The following MYH4 variants were observed in gnomAD, a reference collection of about 807,000 sequenced individuals.
MYH4 encodes myosin heavy chain 4, also known as myosin-4.
MYH4 carries 200 observed loss-of-function variants against 229.9 expected under a neutral mutation model. The observed-to-expected ratio is 0.87, with a 90% CI of 0.78 to 0.98. The LOEUF is 0.98. MYH4 is among the 50% of genes least tolerant of loss of function. The pLI is 0.00. For missense variants in MYH4, 2,148 were observed against 2,332.6 expected (o/e 0.92, Z 1.63); for synonymous variants, 761 against 834.6 (o/e 0.91, Z 1.52).
rs112589958 is a variant in MYH4, at chr17:10,448,725, T to C, written c.4424A>G (p.Gln1475Arg). 3.8e-5 allele frequency: 61 copies of C among 1,614,038 alleles called. No homozygotes were observed. The African/African-American group carries it at 7.2e-4, about 19-fold the overall frequency. The change falls in exon 32 of 40, where the codon CAG becomes CGG. Residue 1475 changes from glutamine to arginine, a missense_variant. Coordinates refer to ENST00000255381, the MANE Select transcript of MYH4 (RefSeq NM_017533.2). Reference sequence around the variant, plus strand: ...AGTGCTGAGAGAACGCGACTCCTTCTGGGAGGCCTCAAGTTCAGCCTGAGT... The same window carrying C: ...AGTGCTGAGAGAACGCGACTCCTTCCGGGAGGCCTCAAGTTCAGCCTGAGT... ...EETQAELEASQKESRSLSTEL... is the reference protein window; with the variant it reads ...EETQAELEASRKESRSLSTEL...
At chr17:10,449,274 A>G (rs944918359) in intron 30 of MYH4, among the ~76,000 whole-genome samples, 2 of 152,076 alleles carry the variant, frequency 1.3e-5, no homozygotes, top group African/African-American at 2.4e-5. Context: ...GTGTGTGTGT[A>G]TGTGTGTGTA....
chr17:10,446,951 T>C, intron 35 of MYH4, 62 bp downstream of exon 35: 2 of 1,514,228 alleles, frequency 1.3e-6, no homozygotes. Context: ...AACAAGCTTA[T>C]CTTCTCAAAT....
In MYH4 at chr17:10,450,470, C is replaced by T; in HGVS notation, c.4164G>A (p.Glu1388=). 6.2e-7 allele frequency: 1 copy of T among 1,613,978 alleles called. No homozygotes were observed. The highest frequency in any genetic ancestry group is 8.5e-7 in the Non-Finnish European group (1 of 1,179,902). The part of the protein sequence containing the change: ...KYETDAIQRT[E]ELEEAKKKLA... ...GCACATACTTGGCCTCCTCCAGCTC[C>T]TCTGTGCGCTGGATGGCGTCCGTCT... The change falls in exon 30 of 40, where the codon GAG becomes GAA. Residue 1388 remains glutamate, a synonymous_variant. Coordinates refer to ENST00000255381, the MANE Select transcript of MYH4 (RefSeq NM_017533.2).
chr17:10,445,401 C>T, intron 35 of MYH4, 39 bp from the exon 36 acceptor site: 1 of 1,507,198 alleles, frequency 6.6e-7, no homozygotes. Context: ...AGCACATTTA[C>T]TTATAACAAC....
chr17:10,446,388 A>G lies in MYH4; in HGVS notation c.5169+625T>C, dbSNP rs892417427. Among the ~76,000 whole-genome samples the G allele has an allele frequency of 1.1e-4, 17 of 152,160 alleles. No individual in the cohort carries two copies. In the East Asian group the frequency reaches 3.1e-3, roughly 28 times the overall value. On this transcript the variant is annotated intron_variant, in intron 35 of 39. Coordinates refer to ENST00000255381, the MANE Select transcript of MYH4 (RefSeq NM_017533.2). Reference sequence around the variant, plus strand: ...TTCTGGATGTTTCCTATATGTTTATACGGGAAAAAAGATCACACAGCCTAT... The same window carrying G: ...TTCTGGATGTTTCCTATATGTTTATGCGGGAAAAAAGATCACACAGCCTAT...
In MYH4 at chr17:10,455,837, A is replaced by T. The variant is rs1331627977; in HGVS notation, c.2033T>A (p.Ile678Asn). 2 of 1,614,032 alleles carry T rather than the reference A, an allele frequency of 1.2e-6. No individual in the cohort carries two copies. Among genetic ancestry groups the T allele is most frequent in the Admixed American group, 1.7e-5 (1 of 60,000 alleles). The change falls in exon 18 of 40, where the codon ATC becomes AAC. Residue 678 changes from isoleucine to asparagine, a missense_variant. Coordinates refer to ENST00000255381, the MANE Select transcript of MYH4 (RefSeq NM_017533.2). ...ACCAGGAGTTTTAGTTTCATTGGGG[A>T]TGATGCACCGCACAAAGTGGGGGTG... ...STHPHFVRCI[I>N]PNETKTPGAM...
Position 10,464,614 on chromosome 17 carries a change from C to T in MYH4, c.534-28G>A, listed in dbSNP as rs543483173. 53 of 1,613,676 alleles carry T rather than the reference C, an allele frequency of 3.3e-5. No homozygotes were observed. The East Asian group carries it at 5.1e-4, about 16-fold the overall frequency. The stretch of plus-strand genomic sequence containing the variant: ...ATCAAGTTCAAACAGAAGAAAAGGT[C>T]AGAATCTAAGGTAGTAGTAGCCACT... On this transcript the variant is annotated intron_variant, in intron 6 of 39. Coordinates refer to ENST00000255381, the MANE Select transcript of MYH4 (RefSeq NM_017533.2).
intron 15 of MYH4, among the ~76,000 whole-genome samples, chr17:10,458,599 C>T (rs1210134038): frequency 1.3e-5 from 2 of 152,172 alleles, no homozygotes; most frequent in Non-Finnish European, 2.9e-5. Flanking sequence ...TTCACACATA[C>T]ACTTTATTGA....
At chr17:10,445,676 T>A (rs1249157921) in intron 35 of MYH4, among the ~76,000 whole-genome samples, 4 of 152,096 alleles carry the variant, frequency 2.6e-5, no homozygotes, top group Non-Finnish European at 5.9e-5. Flanking sequence ...TTAAAATGAA[T>A]CAGTAATTTT....
chr17:10,465,935 C>G (rs1272653062), intron 4 of MYH4, among the ~76,000 whole-genome samples: 1 of 151,066 alleles, frequency 6.6e-6, no homozygotes, highest in African/African-American at 2.4e-5. Context: ...CCACTACGCC[C>G]GGCTAATTTT....
intron 27 of MYH4, 62 bp downstream of exon 27, chr17:10,451,879 A>C (rs1270383034): frequency 8.4e-6 from 13 of 1,539,740 alleles, no homozygotes; most frequent in Non-Finnish European, 1.1e-5. Context: ...ATAGTCATAT[A>C]TAAACTTGGT....
chr17:10,459,101 T>G, intron 15 of MYH4, 150 bp downstream of exon 15: 1 of 1,287,238 alleles, frequency 7.8e-7, no homozygotes, highest in Non-Finnish European at 1.1e-6. Context: ...TAATAACAGA[T>G]CACTTGGAAC....
chr17:10,456,205 T>C (rs2072636610), intron 17 of MYH4, among the ~76,000 whole-genome samples: 1 of 152,212 alleles, frequency 6.6e-6, no homozygotes, highest in Non-Finnish European at 1.5e-5. Flanking sequence ...TTTGATTTCA[T>C]GTGAAATTTG....
In MYH4 at chr17:10,454,696, C is replaced by T; in HGVS notation, c.2550G>A (p.Glu850=). The T allele has an allele frequency of 6.2e-7, 1 of 1,614,188 alleles. No homozygotes were observed. Among genetic ancestry groups the T allele is most frequent in the Non-Finnish European group, 8.5e-7 (1 of 1,180,042 alleles). Residue 850 remains glutamate, a synonymous_variant, in exon 22 of 40, where the codon GAG becomes GAA. Coordinates refer to ENST00000255381, the MANE Select transcript of MYH4 (RefSeq NM_017533.2). ...CTTCCTTCATGTTGGCCATCTCCTTCTCTGTCTCTGCACTCTTGAGGAGGG... is the reference window on the plus strand; with the variant it reads ...CTTCCTTCATGTTGGCCATCTCCTTTTCTGTCTCTGCACTCTTGAGGAGGG... ...IKPLLKSAET[E]KEMANMKEEF...
In MYH4 at chr17:10,460,924, C is replaced by G. The variant is rs1250884006; in HGVS notation, c.1139G>C (p.Gly380Ala). ...CCAACAGGGGGTGGTACCTTCCGTG[C>G]CATCTGGCTCTGCCTGCTCTTCCCT... ...KQREEQAEPD[G>A]TEVADKAAYL... The change falls in exon 12 of 40, where the codon GGC becomes GCC. Residue 380 changes from glycine to alanine, a missense_variant. Physicochemically the swap from Gly to Ala is moderately conservative, Grantham distance 60. Transcript: ENST00000255381. 1 of 1,614,034 alleles carries G rather than the reference C, an allele frequency of 6.2e-7. No homozygotes were observed. The highest frequency in any genetic ancestry group is 1.1e-5 in the South Asian group (1 of 91,050).
intron 14 of MYH4, 40 bp downstream of exon 14, chr17:10,459,912 G>A (rs759623720): frequency 2.5e-6 from 4 of 1,613,468 alleles, no homozygotes; most frequent in South Asian, 2.2e-5. Context: ...TCTAACAAGA[G>A]GATTTGCACT....
intron 27 of MYH4, 85 bp downstream of exon 27, chr17:10,451,856 A>T: frequency 6.7e-7 from 1 of 1,492,188 alleles, no homozygotes. Flanking sequence ...ATGTTTGTGT[A>T]ATTTGGCTAA....
chr17:10,461,397 C>T (rs1019627875), intron 11 of MYH4, among the ~76,000 whole-genome samples: 4 of 152,172 alleles, frequency 2.6e-5, no homozygotes, highest in African/African-American at 9.7e-5. Flanking sequence ...TTCTCAGGCA[C>T]ATGCTCCTCT....
chr17:10,457,335 T>G (rs1195076692), intron 16 of MYH4, 85 bp downstream of exon 16: 116 of 1,448,728 alleles, frequency 8.0e-5, no homozygotes, highest in Middle Eastern at 1.8e-4. Context: ...TTGTGTCAGG[T>G]TTTGCTGTAA....
Sources: gnomAD v4.1 joint callset for allele counts (sites outside exome capture counted in the v4.1 genomes callset) on GRCh38, gnomAD v4.1.1 for gene constraint, MANE v1.5 for transcripts, NCBI Gene and HGNC (gene_info 2026-07-23, HGNC 2026-07-21) for gene names.